FCHO2: variants seen among roughly 807,000 people sequenced by gnomAD.
The protein encoded by FCHO2 is FCH and mu domain containing endocytic adaptor 2.
Under a neutral mutation model 114.1 loss-of-function variants are expected in FCHO2, and 43 were observed. The observed-to-expected ratio is 0.38, with a 90% CI of 0.30 to 0.49. FCHO2 has a LOEUF of 0.49. Among genes scored for constraint, FCHO2 ranks in the 20% least tolerant of loss-of-function variants. FCHO2 has a pLI of 0.97. For synonymous variants in FCHO2, 293 were observed against 315.2 expected, an observed-to-expected ratio of 0.93 and a Z score of 0.75; for missense variants, 807 against 950.4, an observed-to-expected ratio of 0.85 and a Z score of 1.98.
intron 22 of FCHO2, among the ~76,000 whole-genome samples, chr5:73,079,407 C>G (rs1032172419): frequency 4.6e-5 from 7 of 152,006 alleles, no homozygotes; most frequent in African/African-American, 1.7e-4. Context: ...AGAAATAGAT[C>G]TAAGAATAAA....
At chr5:72,982,975 G>A (rs974177110) in intron 2 of FCHO2, among the ~76,000 whole-genome samples, 3 of 151,244 alleles carry the variant, frequency 2.0e-5, no homozygotes, top group Admixed American at 6.6e-5. Flanking sequence ...GTGCAGTGGC[G>A]CGATCTCTGC....
At chr5:72,996,243 C>CAAA (rs371371047) in intron 5 of FCHO2, among the ~76,000 whole-genome samples, 5 of 110,960 alleles carry the variant, frequency 4.5e-5, no homozygotes, top group South Asian at 3.0e-4. Context: ...AACTCTGTCT[C>CAAA]AAAAAAAAAA....
intron 11 of FCHO2, among the ~76,000 whole-genome samples, chr5:73,047,859 C>CA (rs1198244042): frequency 6.6e-6 from 1 of 152,020 alleles, no homozygotes; most frequent in Non-Finnish European, 1.5e-5. Flanking sequence ...TATTTCGAGA[C>CA]AGAGTCTTGC....
chr5:73,081,638 T>C (rs1743094106), intron 22 of FCHO2, 145 bp from the exon 23 acceptor site: 1 of 491,522 alleles, frequency 2.0e-6, no homozygotes, highest in African/African-American at 2.0e-5. Flanking sequence ...TCCTTTGAGA[T>C]AGGTCTGCTT....
intron 2 of FCHO2, among the ~76,000 whole-genome samples, chr5:72,989,051 A>C (rs944558015): frequency 6.6e-6 from 1 of 152,276 alleles, no homozygotes; most frequent in East Asian, 1.9e-4. Flanking sequence ...TCTACAAAAA[A>C]ATACAAAACT....
chr5:73,053,251 A>G lies in FCHO2; in HGVS notation c.1173+744A>G, dbSNP rs191264457. 3.9e-4 allele frequency among the ~76,000 whole-genome samples: 59 copies of G among 152,216 alleles called. 1 individual carries two copies. In the Middle Eastern group the frequency reaches 0.01, roughly 26 times the overall value. ...TATGTAGTTACATGTATTTGTTTGG[A>G]AAAAAAGGTGGTTTTCTCCCAGTCA... On this transcript the variant is annotated intron_variant, in intron 13 of 25. Coordinates refer to ENST00000430046, the MANE Select transcript of FCHO2 (RefSeq NM_138782.3).
intron 14 of FCHO2, 48 bp downstream of exon 14, chr5:73,054,219 G>A: frequency 7.0e-7 from 1 of 1,431,380 alleles, no homozygotes; most frequent in South Asian, 1.4e-5. Context: ...TAAAATCATT[G>A]TAATTTTGGA....
chr5:73,056,123 T>C lies in FCHO2; in HGVS notation c.1253+16T>C. 1 of 1,520,050 alleles carries C rather than the reference T, an allele frequency of 6.6e-7. No individual in the cohort carries two copies. The highest frequency in any genetic ancestry group is 8.8e-7 in the Non-Finnish European group (1 of 1,134,452). 94.2% of individuals were successfully genotyped at this position (1,520,050 alleles called of 1,614,324 possible). A position where few individuals can be genotyped will look rare whatever the true frequency, so the allele number is the denominator to read the frequency against. On this transcript the variant is annotated intron_variant, in intron 16 of 25. Transcript: ENST00000430046. Reference sequence around the variant, plus strand: ...CACCCAATGAGTAAGTTTCCATGTTTAATTTTGTTAAAAAATAGACTTTAT... The same window carrying C: ...CACCCAATGAGTAAGTTTCCATGTTCAATTTTGTTAAAAAATAGACTTTAT...
At chr5:73,013,015 T>C (rs986077890) in intron 6 of FCHO2, among the ~76,000 whole-genome samples, 1 of 152,218 alleles carries the variant, frequency 6.6e-6, no homozygotes, top group African/African-American at 2.4e-5. Context: ...TGGCTACCTG[T>C]CTGAGAAAAT....
intron 14 of FCHO2, 60 bp downstream of exon 14, chr5:73,054,231 G>A: frequency 7.4e-7 from 1 of 1,351,044 alleles, no homozygotes; most frequent in Non-Finnish European, 1.0e-6. Context: ...AATTTTGGAA[G>A]ATTGACTTTC....
At chr5:73,046,617 A>G (rs1209302306) in intron 11 of FCHO2, among the ~76,000 whole-genome samples, 1 of 151,066 alleles carries the variant, frequency 6.6e-6, no homozygotes, top group Non-Finnish European at 1.5e-5. Context: ...AAGTATTTTG[A>G]AAAAAACCTT....
intron 5 of FCHO2, among the ~76,000 whole-genome samples, chr5:73,002,145 C>T (rs985353645): frequency 6.6e-6 from 1 of 151,824 alleles, no homozygotes; most frequent in Non-Finnish European, 1.5e-5. Context: ...ATGTATAGAC[C>T]AGGATTTATA....
chr5:73,082,921 T>TG (rs1248325736), intron 24 of FCHO2, 96 bp downstream of exon 24: 1 of 1,028,856 alleles, frequency 9.7e-7, no homozygotes, highest in Non-Finnish European at 1.4e-6. Context: ...GTTGCCAGGC[T>TG]GGAGTGCAGT....
intron 8 of FCHO2, among the ~76,000 whole-genome samples, chr5:73,027,986 C>G (rs545332988): frequency 3.4e-4 from 51 of 152,094 alleles, no homozygotes; most frequent in South Asian, 8.3e-4. Flanking sequence ...TTCCTTGAGC[C>G]CAGGAAGTCG....
chr5:73,085,551 G>A lies in FCHO2; in HGVS notation c.2246-2038G>A, dbSNP rs1323326493. ...GCACTTTGGGAGGCTGAGGCAGGTGGATCACTTGAGGCCAGGAGTTGGAGA... is the reference window on the plus strand; with the variant it reads ...GCACTTTGGGAGGCTGAGGCAGGTGAATCACTTGAGGCCAGGAGTTGGAGA... On this transcript the variant is annotated intron_variant, in intron 24 of 25. Transcript: ENST00000430046. Among the ~76,000 whole-genome samples the A allele has an allele frequency of 2.6e-5, 4 of 151,692 alleles. No homozygotes were observed. In the East Asian group the frequency reaches 5.9e-4, roughly 22 times the overall value.
intron 5 of FCHO2, among the ~76,000 whole-genome samples, chr5:73,001,448 CAAAAAAAA>C (rs1215202339): frequency 4.6e-5 from 3 of 65,530 alleles, no homozygotes; most frequent in African/African-American, 1.3e-4. Flanking sequence ...GATCCTGTCT[CAAAAAAAA>C]AAAAAAAAAA....
At chr5:73,042,601 TTGAC>T (rs1472624573) in intron 11 of FCHO2, among the ~76,000 whole-genome samples, 1 of 152,146 alleles carries the variant, frequency 6.6e-6, no homozygotes, top group Non-Finnish European at 1.5e-5. Context: ...ATTGATGAAT[TTGAC>T]TGTGTAGAAA....
At chr5:73,009,526 G>A (rs1274866341) in intron 6 of FCHO2, among the ~76,000 whole-genome samples, 1 of 151,762 alleles carries the variant, frequency 6.6e-6, no homozygotes, top group Non-Finnish European at 1.5e-5. Context: ...TGCCTTTCTG[G>A]TTTTTTTGTT....
intron 9 of FCHO2, among the ~76,000 whole-genome samples, chr5:73,036,758 A>C (rs904578123): frequency 6.6e-6 from 1 of 152,216 alleles, no homozygotes; most frequent in Admixed American, 6.5e-5. Flanking sequence ...TCTAAAAAGC[A>C]AACATGATTT....
Sources: gnomAD v4.1 joint callset for allele counts (sites outside exome capture counted in the v4.1 genomes callset) on GRCh38, gnomAD v4.1.1 for gene constraint, MANE v1.5 for transcripts, NCBI Gene and HGNC (gene_info 2026-07-23, HGNC 2026-07-21) for gene names.